DDAH1: variants seen among roughly 807,000 people sequenced by gnomAD.
DDAH1 encodes N(G),N(G)-dimethylarginine dimethylaminohydrolase 1.
A neutral mutation model predicts 28.8 loss-of-function variants in DDAH1; 19 were observed. The ratio of observed to expected loss-of-function variants is 0.66; its 90% CI spans 0.46 to 0.97. DDAH1 has a LOEUF of 0.97. Ranked by LOEUF, DDAH1 falls within the 50% of genes least tolerant of loss-of-function variation. The pLI is 0.00. For missense variants in DDAH1, 326 were observed against 375.9 expected, an observed-to-expected ratio of 0.87 and a Z score of 1.10; for synonymous variants, 153 against 154.4, an observed-to-expected ratio of 0.99 and a Z score of 0.07.
chr1:85,386,751 T>C (rs1012858249), intron 1 of DDAH1, among the ~76,000 whole-genome samples: 5 of 152,178 alleles, frequency 3.3e-5, no homozygotes, highest in Admixed American at 3.3e-4. Context: ...ACTGCCCTAG[T>C]AGAGGTTCTC....
At chr1:85,498,254 T>C (rs1656670303) in intron 1 of DDAH1, among the ~76,000 whole-genome samples, 1 of 152,172 alleles carries the variant, frequency 6.6e-6, no homozygotes, top group African/African-American at 2.4e-5. Flanking sequence ...ACCCAGCAGG[T>C]AGGGCCTGTA....
chr1:85,468,741 A>C (rs1655509542), upstream of DDAH1, among the ~76,000 whole-genome samples: 1 of 152,078 alleles, frequency 6.6e-6, no homozygotes, highest in East Asian at 1.9e-4. Flanking sequence ...GAAGGTCTCG[A>C]TCTCCTGACC....
chr1:85,456,464 T>C (rs1654885463), intron 1 of DDAH1, among the ~76,000 whole-genome samples: 1 of 152,350 alleles, frequency 6.6e-6, no homozygotes, highest in South Asian at 2.1e-4. Flanking sequence ...ATACTTTGAG[T>C]ACTCATACAA....
At position 85,321,435 on chromosome 1, in the gene DDAH1, G is replaced by A. The variant is rs3087894; in HGVS notation, c.*17C>T. 1.5e-5 allele frequency: 24 copies of A among 1,558,046 alleles called. No homozygotes were observed. Among genetic ancestry groups the A allele is most frequent in the African/African-American group, 9.6e-5 (7 of 73,254 alleles). On this transcript the variant is annotated 3_prime_UTR_variant, in exon 6 of 6. Transcript: ENST00000284031. ...TGCCTGTGCGGTCTTGCCGGCTACC[G>A]GGGGGGACTCTGCAGCTCAGGAGTC...
At chr1:85,512,742 C>A (rs1404403124) in intron 1 of DDAH1, among the ~76,000 whole-genome samples, 2 of 152,148 alleles carry the variant, frequency 1.3e-5, no homozygotes, top group South Asian at 2.1e-4. Context: ...AGTGAACTCC[C>A]ATTCACAACT....
intron 1 of DDAH1, among the ~76,000 whole-genome samples, chr1:85,371,780 C>A (rs1650397983): frequency 6.6e-6 from 1 of 152,202 alleles, no homozygotes; most frequent in South Asian, 2.1e-4. Context: ...CCCTAAATAT[C>A]TGAACTGAGA....
At chr1:85,543,783 G>A (rs1362514582) in intron 1 of DDAH1, among the ~76,000 whole-genome samples, 2 of 152,116 alleles carry the variant, frequency 1.3e-5, no homozygotes, top group African/African-American at 2.4e-5. Flanking sequence ...TGATGAGAAG[G>A]GTTAGTTTCA....
intron 4 of DDAH1, among the ~76,000 whole-genome samples, chr1:85,334,570 A>T (rs957898118): frequency 7.2e-5 from 11 of 152,048 alleles, no homozygotes; most frequent in African/African-American, 2.4e-4. Context: ...ACAAGATCTG[A>T]TGGTTTAAAA....
chr1:85,462,978 AGAT>A (rs1196210327), intron 1 of DDAH1, among the ~76,000 whole-genome samples: 2 of 152,266 alleles, frequency 1.3e-5, no homozygotes, highest in African/African-American at 4.8e-5. Flanking sequence ...AATTTCAGGT[AGAT>A]TAATACATCT....
intron 1 of DDAH1, among the ~76,000 whole-genome samples, chr1:85,370,279 C>G (rs1557537116): frequency 6.6e-6 from 1 of 152,206 alleles, no homozygotes; most frequent in Non-Finnish European, 1.5e-5. Flanking sequence ...ACCAACCCTT[C>G]CAATACCTTG....
chr1:85,450,599 C>T (rs1654629486), intron 1 of DDAH1, among the ~76,000 whole-genome samples: 1 of 152,200 alleles, frequency 6.6e-6, no homozygotes, highest in Admixed American at 6.5e-5. Context: ...AACATTGCCA[C>T]TGTAATCACT....
chr1:85,350,637 G>T, intron 3 of DDAH1, 103 bp from the exon 4 acceptor site: 1 of 1,347,950 alleles, frequency 7.4e-7, no homozygotes, highest in Non-Finnish European at 1.0e-6. Context: ...GGCTGACAGG[G>T]ACCTTGAATA....
chr1:85,535,135 G>A (rs2254467), intron 1 of DDAH1, among the ~76,000 whole-genome samples: 3 of 152,120 alleles, frequency 2.0e-5, no homozygotes, highest in South Asian at 2.1e-4. Context: ...ATACCATTAC[G>A]TAATTCAAAT....
intron 1 of DDAH1, among the ~76,000 whole-genome samples, chr1:85,439,359 A>T (rs979927808): frequency 6.6e-6 from 1 of 152,232 alleles, no homozygotes; most frequent in Non-Finnish European, 1.5e-5. Context: ...TAAACATCCT[A>T]AACTGAGTAA....
At chr1:85,478,514 TCCCATTTATGAAA>T (rs147776623) in intron 2 of DDAH1, among the ~76,000 whole-genome samples, 2,311 of 152,254 alleles carry the variant, frequency 0.015, 55 homozygotes, top group African/African-American at 0.053. Flanking sequence ...GCAGGGGAAC[TCCCATTTATGAAA>T]CCACCAGATC....
intron 1 of DDAH1, among the ~76,000 whole-genome samples, chr1:85,505,940 A>C (rs1350095911): frequency 6.6e-6 from 1 of 152,234 alleles, no homozygotes; most frequent in East Asian, 1.9e-4. Context: ...TACCTTTAAC[A>C]GCCTGCAACT....
chr1:85,367,300 G>A (rs1427913553), intron 1 of DDAH1, among the ~76,000 whole-genome samples: 1 of 152,086 alleles, frequency 6.6e-6, no homozygotes, highest in Non-Finnish European at 1.5e-5. Context: ...CCATATACCT[G>A]GGTGCTGCTT....
chr1:85,427,488 T>C (rs1653462697), intron 1 of DDAH1, among the ~76,000 whole-genome samples: 1 of 152,336 alleles, frequency 6.6e-6, no homozygotes, highest in East Asian at 1.9e-4. Context: ...GTAACTTGGA[T>C]TCAAGCAAGA....
chr1:85,410,200 G>A (rs1013708965), intron 1 of DDAH1, among the ~76,000 whole-genome samples: 1 of 152,200 alleles, frequency 6.6e-6, no homozygotes, highest in Non-Finnish European at 1.5e-5. Flanking sequence ...ATAATCGCCT[G>A]AGCCTGGGAG....
Sources: allele counts gnomAD v4.1 joint callset (sites outside exome capture counted in the v4.1 genomes callset), GRCh38; gene constraint gnomAD v4.1.1; transcripts MANE v1.5; gene names NCBI Gene and HGNC (gene_info 2026-07-23, HGNC 2026-07-21).